HLTF: variants seen among roughly 807,000 people sequenced by gnomAD.
HLTF encodes helicase like transcription factor, also known as DNA-dependent ATPase/E3 ubiquitin-protein ligase HLTF.
A neutral mutation model predicts 129.4 loss-of-function variants in HLTF; 127 were observed. That is an observed-to-expected ratio of 0.98 (90% CI 0.85 to 1.14). The LOEUF (loss-of-function observed/expected upper bound fraction) is 1.14. HLTF is among the 50% of genes most tolerant of loss of function. HLTF has a pLI of 0.00. For missense variants in HLTF, 1,139 were observed against 1,187.1 expected, an observed-to-expected ratio of 0.96 and a Z score of 0.60; for synonymous variants, 332 against 388.8, an observed-to-expected ratio of 0.85 and a Z score of 1.72.
intron 23 of HLTF, among the ~76,000 whole-genome samples, chr3:149,037,676 A>G (rs1247594977): frequency 2.0e-5 from 3 of 152,182 alleles, no homozygotes; most frequent in African/African-American, 7.2e-5. Context: ...TCTCAGTAGT[A>G]TTCCTACATG....
In HLTF at chr3:149,075,905, T is replaced by C. The variant is rs1576622538; in HGVS notation, c.371A>G (p.Asp124Gly). ...CCCTTCAATTTGTGCCAATTTGTTG[T>C]CCATGATATAGGCCAAAGCACCTGC... ...ELAGALAYIM[D>G]NKLAQIEGVV... Residue 124 changes from aspartate to glycine, a missense_variant, in exon 3 of 25, where the codon GAC becomes GGC. Asp to Gly is a moderately conservative substitution (Grantham distance 94). Coordinates refer to ENST00000310053, the MANE Select transcript of HLTF (RefSeq NM_003071.4). 6.2e-7 allele frequency: 1 copy of C among 1,602,190 alleles called. No homozygotes were observed. The highest frequency in any genetic ancestry group is 8.5e-7 in the Non-Finnish European group (1 of 1,175,362).
At position 149,086,341 on chromosome 3, in the gene HLTF, C is replaced by T; in HGVS notation, c.-5G>A. 1 of 1,594,948 alleles carries T rather than the reference C, an allele frequency of 6.3e-7. No homozygotes were observed. ...CCTCTTGAACATCCAGGACATGGCG[C>T]TGAGTGGGATGACAAGAGGAGCGCC... On this transcript the variant is annotated 5_prime_UTR_variant, in exon 1 of 25. Transcript: ENST00000310053.
At chr3:149,038,565 G>A (rs1310564473) in intron 23 of HLTF, among the ~76,000 whole-genome samples, 1 of 151,926 alleles carries the variant, frequency 6.6e-6, no homozygotes, top group African/African-American at 2.4e-5. Context: ...TGCAGTGACA[G>A]GAGCATGGCT....
intron 20 of HLTF, chr3:149,040,403 G>A (rs1716026651): frequency 6.0e-6 from 2 of 331,746 alleles, no homozygotes; most frequent in East Asian, 6.4e-5. Flanking sequence ...GCAAGAGCAA[G>A]AAACCAAAAA....
At chr3:149,053,015 A>G (rs1717124118) in intron 14 of HLTF, among the ~76,000 whole-genome samples, 1 of 152,244 alleles carries the variant, frequency 6.6e-6, no homozygotes, top group South Asian at 2.1e-4. Flanking sequence ...CTAAATATCC[A>G]GAACAAATAT....
intron 3 of HLTF, among the ~76,000 whole-genome samples, chr3:149,075,544 AAAATAAAT>A (rs149453804): frequency 0.018 from 2,731 of 152,216 alleles, 88 homozygotes; most frequent in African/African-American, 0.062. Context: ...ACTTCGTCTC[AAAATAAAT>A]AAATAAATAA....
chr3:149,062,189 G>A lies in HLTF; in HGVS notation c.1160+1242C>T, dbSNP rs1576604337. On this transcript the variant is annotated intron_variant, in intron 10 of 24. Coordinates refer to ENST00000310053, the MANE Select transcript of HLTF (RefSeq NM_003071.4). Reference sequence around the variant, plus strand: ...TGCAAAAGCCCCTAAAAGAGTGCCTGTTACACAATAACATAACTATTAGCT... The same window carrying A: ...TGCAAAAGCCCCTAAAAGAGTGCCTATTACACAATAACATAACTATTAGCT... 2.0e-5 allele frequency among the ~76,000 whole-genome samples: 3 copies of A among 152,300 alleles called. No homozygotes were observed. The South Asian group carries it at 6.2e-4, about 32-fold the overall frequency.
intron 7 of HLTF, among the ~76,000 whole-genome samples, chr3:149,069,688 C>T (rs1054980985): frequency 3.9e-5 from 6 of 151,996 alleles, no homozygotes; most frequent in African/African-American, 9.7e-5. Context: ...TTTTTTCATG[C>T]GACACCATTT....
Position 149,060,661 on chromosome 3 carries a change from T to C in HLTF, c.1267A>G (p.Thr423Ala). The part of the protein sequence containing the change: ...KGKLKNVQSE[T>A]KGRAKAGSSK... ...CACATACCTTTCGCCCTGCCTTTAG[T>C]TTCAGACTGTACATTTTTCAGTTTG... The change falls in exon 12 of 25, where the codon ACT becomes GCT. Residue 423 changes from threonine to alanine, a missense_variant. Coordinates refer to ENST00000310053, the MANE Select transcript of HLTF (RefSeq NM_003071.4). 6.2e-7 allele frequency: 1 copy of C among 1,613,196 alleles called. No individual in the cohort carries two copies.
chr3:149,074,483 ACTTG>A, intron 3 of HLTF, 135 bp from the exon 4 acceptor site: 1 of 733,870 alleles, frequency 1.4e-6, no homozygotes, highest in Non-Finnish European at 2.0e-6. Flanking sequence ...AGTTGGGCAG[ACTTG>A]AAAGAAAAAA....
At chr3:149,060,029 G>A (rs373389596) in intron 12 of HLTF, among the ~76,000 whole-genome samples, 3 of 146,902 alleles carry the variant, frequency 2.0e-5, no homozygotes, top group Non-Finnish European at 4.4e-5. Context: ...AAGACTTGAG[G>A]AGAAGAAATG....
intron 10 of HLTF, among the ~76,000 whole-genome samples, chr3:149,061,180 C>G (rs559402853): frequency 2.0e-4 from 30 of 152,114 alleles, no homozygotes; most frequent in Admixed American, 5.9e-4. Flanking sequence ...AGTGATCATC[C>G]CGCCTTAGCC....
Position 149,085,814 on chromosome 3 carries a change from T to A in HLTF, c.20+503A>T, listed in dbSNP as rs1720322631. On this transcript the variant is annotated intron_variant, in intron 1 of 24. Transcript: ENST00000310053. ...GGACAATGAAAAGTGAAGGGGAGTC[T>A]ACTGGAGCATTGCAAAAAGTTTCCA... 5.9e-5 allele frequency among the ~76,000 whole-genome samples: 9 copies of A among 152,348 alleles called. 2 individuals are homozygous for A. In the South Asian group the frequency reaches 1.9e-3, roughly 32 times the overall value.
At chr3:149,038,027 T>C (rs1051089747) in intron 23 of HLTF, among the ~76,000 whole-genome samples, 4 of 152,170 alleles carry the variant, frequency 2.6e-5, no homozygotes, top group Admixed American at 1.3e-4. Context: ...ACTCAGAACA[T>C]TCCATTAATG....
intron 8 of HLTF, among the ~76,000 whole-genome samples, 165 bp from the exon 9 acceptor site, chr3:149,065,031 T>C (rs1480785943): frequency 1.3e-5 from 2 of 151,382 alleles, no homozygotes; most frequent in Non-Finnish European, 2.9e-5. Flanking sequence ...GAGGAAAATA[T>C]ACAAACTGAT....
At chr3:149,046,058 A>G in intron 18 of HLTF, 22 bp downstream of exon 18, 4 of 1,564,686 alleles carry the variant, frequency 2.6e-6, no homozygotes, top group Non-Finnish European at 1.7e-6. Flanking sequence ...CTAATTTTTA[A>G]CATGGTTTTC....
Position 149,038,496 on chromosome 3 carries a change from C to A in HLTF, c.2796+553G>T, listed in dbSNP as rs144482457. ...CAGTTGCCTCTTCAGTAAAACAGAG[C>A]ATTTTTTTTCTTTTTTTTCTTTCAG... On this transcript the variant is annotated intron_variant, in intron 23 of 24. Transcript: ENST00000310053. 1.2e-3 allele frequency among the ~76,000 whole-genome samples: 190 copies of A among 152,098 alleles called. 1 individual carries two copies. The highest frequency in any genetic ancestry group is 1.2e-3 in the Non-Finnish European group (80 of 67,972).
chr3:149,050,920 T>C (rs556805089), intron 14 of HLTF, among the ~76,000 whole-genome samples: 10 of 152,132 alleles, frequency 6.6e-5, no homozygotes, highest in Non-Finnish European at 1.0e-4. Context: ...AAACTTATTA[T>C]TATTTTTTTA....
At position 149,032,222 on chromosome 3, in the gene HLTF, A is replaced by G. The variant is rs768217018; in HGVS notation, c.3028T>C (p.Ter1010GlnextTer5). ...TGACCTTACTAAAATCCCACAAATT[A>G]TAAGTCAATTAATGTTCTGATTTCA... ...INEIRTLIDL[*>Q] Residue 1010 changes from the stop codon to glutamine, a stop_lost, in exon 25 of 25, where the codon TAA becomes CAA. Transcript: ENST00000310053. 4 of 1,574,896 alleles carry G rather than the reference A, an allele frequency of 2.5e-6. No individual in the cohort carries two copies. Among genetic ancestry groups the G allele is most frequent in the East Asian group, 2.3e-5 (1 of 43,902 alleles).
Sources: allele counts gnomAD v4.1 joint callset (sites outside exome capture counted in the v4.1 genomes callset), GRCh38; gene constraint gnomAD v4.1.1; transcripts MANE v1.5; gene names NCBI Gene and HGNC (gene_info 2026-07-23, HGNC 2026-07-21).